The following ANKFN1 variants were observed in gnomAD, a reference collection of about 807,000 sequenced individuals.
The protein encoded by ANKFN1 is ankyrin repeat and fibronectin type III domain containing 1.
A neutral mutation model predicts 108.7 loss-of-function variants in ANKFN1; 74 were observed. The ratio of observed to expected loss-of-function variants is 0.68; its 90% CI spans 0.56 to 0.83. The LOEUF (loss-of-function observed/expected upper bound fraction) is 0.83, where lower values mean the gene tolerates loss of function less well. Among genes scored for constraint, ANKFN1 ranks in the 40% least tolerant of loss-of-function variants. The probability of loss-of-function intolerance (pLI) is 0.00; values close to 1 mark genes in which losing one functional copy is unlikely to be tolerated. For missense variants in ANKFN1, 1,505 were observed against 1,382.3 expected (o/e 1.09, Z -1.41); for synonymous variants, 547 against 516.2 (o/e 1.06, Z -0.81).
intron 20 of ANKFN1, among the ~76,000 whole-genome samples, chr17:56,502,086 A>AT (rs2051389759): frequency 6.6e-6 from 1 of 152,280 alleles, no homozygotes; most frequent in African/African-American, 2.4e-5. Flanking sequence ...TTGAAAGGGC[A>AT]TTTTTTAAGG....
chr17:56,188,545 A>ATGTGTGTGTGTGTG (rs1173100959), intron 1 of ANKFN1, among the ~76,000 whole-genome samples: 2 of 87,248 alleles, frequency 2.3e-5, no homozygotes, highest in African/African-American at 1.0e-4. Context: ...TAAGATGTAT[A>ATGTGTGTGTGTGTG]TGTGTGTGTG....
intron 18 of ANKFN1, among the ~76,000 whole-genome samples, chr17:56,489,469 AC>A (rs1197949154): frequency 6.9e-4 from 92 of 133,208 alleles, no homozygotes; most frequent in Non-Finnish European, 1.2e-3. Flanking sequence ...AAAAAAAAAA[AC>A]CACAAGAGCG....
At chr17:56,460,153 T>C (rs909850341) in intron 14 of ANKFN1, among the ~76,000 whole-genome samples, 5 of 152,078 alleles carry the variant, frequency 3.3e-5, no homozygotes, top group African/African-American at 1.2e-4. Flanking sequence ...TTCCTTTCTC[T>C]ACTAAATTTG....
chr17:56,477,685 T>C, intron 16 of ANKFN1, 31 bp downstream of exon 16: 7 of 1,604,812 alleles, frequency 4.4e-6, no homozygotes, highest in Non-Finnish European at 6.0e-6. Context: ...ATTTTCCTTG[T>C]GATGAAACAG....
chr17:56,117,553 G>C (rs1906356431), intron 4 of ANKFN1, among the ~76,000 whole-genome samples: 1 of 152,128 alleles, frequency 6.6e-6, no homozygotes, highest in Non-Finnish European at 1.5e-5. Context: ...TCTCAAGAAG[G>C]CTTCAAATGT....
upstream of ANKFN1, among the ~76,000 whole-genome samples, chr17:56,152,258 ATATATGTGTG>A (rs778968946): frequency 0.026 from 2,167 of 84,348 alleles, 23 homozygotes; most frequent in Middle Eastern, 0.053. Flanking sequence ...ATATATATAT[ATATATGTGTG>A]TGTGTGTGTG....
chr17:56,179,267 T>C (rs987844338), intron 1 of ANKFN1, among the ~76,000 whole-genome samples: 2 of 152,286 alleles, frequency 1.3e-5, no homozygotes, highest in South Asian at 4.1e-4. Context: ...GTAGAGAGAC[T>C]CCCTGTTAAC....
intron 8 of ANKFN1, among the ~76,000 whole-genome samples, chr17:56,408,523 G>A (rs1377082450): frequency 6.6e-6 from 1 of 152,010 alleles, no homozygotes; most frequent in African/African-American, 2.4e-5. Flanking sequence ...TTATCTTGGT[G>A]GTGAAGAAAG....
At chr17:56,289,243 G>A (rs1487816245) in intron 3 of ANKFN1, among the ~76,000 whole-genome samples, 2 of 152,198 alleles carry the variant, frequency 1.3e-5, no homozygotes, top group Non-Finnish European at 2.9e-5. Context: ...TATGCCATGA[G>A]GGTAGGGGAG....
At chr17:56,309,143 C>T (rs983306838) in intron 3 of ANKFN1, among the ~76,000 whole-genome samples, 11 of 152,070 alleles carry the variant, frequency 7.2e-5, no homozygotes, top group East Asian at 1.9e-4. Flanking sequence ...CTTTTTGGAA[C>T]GTTTGGTAGA....
intron 14 of ANKFN1, among the ~76,000 whole-genome samples, chr17:56,461,316 C>T (rs1412742638): frequency 6.6e-6 from 1 of 152,140 alleles, no homozygotes; most frequent in East Asian, 1.9e-4. Context: ...CCCACAAAAC[C>T]TAGATCTAGT....
intron 4 of ANKFN1, among the ~76,000 whole-genome samples, chr17:56,344,052 A>G (rs1013280619): frequency 1.1e-4 from 16 of 151,962 alleles, no homozygotes; most frequent in African/African-American, 3.6e-4. Flanking sequence ...TTGTGTAGTA[A>G]GCCCAATATT....
intron 10 of ANKFN1, among the ~76,000 whole-genome samples, chr17:56,445,154 A>G (rs142214410): frequency 8.5e-5 from 13 of 152,342 alleles, no homozygotes; most frequent in East Asian, 7.7e-4. Context: ...AAAGGAACCA[A>G]TCTCATGTTG....
intron 4 of ANKFN1, among the ~76,000 whole-genome samples, chr17:56,074,400 G>A (rs2143146628): frequency 6.6e-6 from 1 of 152,322 alleles, no homozygotes; most frequent in South Asian, 2.1e-4. Context: ...GACACTGCGT[G>A]AGCCCTTGAT....
intron 3 of ANKFN1, among the ~76,000 whole-genome samples, chr17:56,325,722 C>T (rs1014850725): frequency 7.9e-5 from 12 of 152,188 alleles, no homozygotes; most frequent in Non-Finnish European, 1.5e-4. Flanking sequence ...GATGTGACGG[C>T]CACTTGTGTG....
intron 4 of ANKFN1, among the ~76,000 whole-genome samples, chr17:56,055,994 T>C (rs1344801657): frequency 5.3e-5 from 8 of 152,064 alleles, no homozygotes; most frequent in Non-Finnish European, 1.2e-4. Flanking sequence ...AATTTTTTCA[T>C]GTTTTTTTTT....
rs143680552 is a variant in ANKFN1 at position 56,179,248 on chromosome 17, G to T, written c.-71+25718G>T. Among the ~76,000 whole-genome samples, 582 of 152,310 alleles carry T rather than the reference G, an allele frequency of 3.8e-3. 5 individuals are homozygous for T. Among genetic ancestry groups the T allele is most frequent in the African/African-American group, 0.014 (564 of 41,574 alleles). On this transcript the variant is annotated intron_variant, in intron 1 of 20. Transcript: ENST00000682825. ...AGGAAATTCTAGGCTTAGGAAAGGA[G>T]AAGACAAAGTAGAGAGACTCCCTGT...
chr17:56,398,148 T>C (rs1438709225), intron 8 of ANKFN1, among the ~76,000 whole-genome samples: 1 of 152,198 alleles, frequency 6.6e-6, no homozygotes, highest in Non-Finnish European at 1.5e-5. Flanking sequence ...TTCTAGATTA[T>C]ATTCTCCATG....
chr17:56,422,820 A>G (rs1232211880), intron 8 of ANKFN1, among the ~76,000 whole-genome samples: 1 of 152,234 alleles, frequency 6.6e-6, no homozygotes, highest in Non-Finnish European at 1.5e-5. Context: ...TCTGTTTCAT[A>G]AAGAAGATGG....
Sources: gnomAD v4.1 joint callset for allele counts (sites outside exome capture counted in the v4.1 genomes callset) on GRCh38, gnomAD v4.1.1 for gene constraint, MANE v1.5 for transcripts, NCBI Gene and HGNC (gene_info 2026-07-23, HGNC 2026-07-21) for gene names.